Variants in CACNA1A observed in about 807,000 individuals in gnomAD.
CACNA1A encodes calcium voltage-gated channel subunit alpha1 A, also known as voltage-dependent P/Q-type calcium channel subunit alpha-1A.
CACNA1A carries 57 observed loss-of-function variants against 262.4 expected under a neutral mutation model. That is an observed-to-expected ratio of 0.22 (90% CI 0.18 to 0.27). The LOEUF is 0.27. Ranked by LOEUF, CACNA1A falls within the 10% of genes least tolerant of loss-of-function variation. CACNA1A has a pLI of 1.00. For synonymous variants in CACNA1A, 1,431 were observed against 1,419.3 expected, an observed-to-expected ratio of 1.01 and a Z score of -0.18; for missense variants, 2,526 against 3,562.8, an observed-to-expected ratio of 0.71 and a Z score of 7.41.
In CACNA1A at chr19:13,318,714, G is replaced by A. The variant is rs141913825; in HGVS notation, c.1346-1393C>T. Reference sequence around the variant, plus strand: ...CAGATTCAACATTTGCTGATGGAACGGTGTGGATGTAAGAGAGAGGGATGA... The same window carrying A: ...CAGATTCAACATTTGCTGATGGAACAGTGTGGATGTAAGAGAGAGGGATGA... On this transcript the variant is annotated intron_variant, in intron 10 of 46. Coordinates refer to ENST00000360228, the MANE Select transcript of CACNA1A (RefSeq NM_001127222.2). Among the ~76,000 whole-genome samples the A allele has an allele frequency of 2.2e-4, 33 of 152,086 alleles. No individual in the cohort carries two copies. The East Asian group carries it at 5.6e-3, about 26-fold the overall frequency.
rs551474256 is a variant in CACNA1A, at chr19:13,304,158, CTG to C, written c.1987-276_1987-275del. Among the ~76,000 whole-genome samples the C allele has an allele frequency of 2.8e-4, 42 of 152,222 alleles. 1 individual carries two copies. In the South Asian group the frequency reaches 7.3e-3, roughly 26 times the overall value. On this transcript the variant is annotated intron_variant, in intron 15 of 46. Coordinates refer to ENST00000360228, the MANE Select transcript of CACNA1A (RefSeq NM_001127222.2). ...AGGAGTCACAGACCCTCCTGTAACTCTGTCTTACTTGATGTGATTAAGGGGAT... is the reference window on the plus strand; with the variant it reads ...AGGAGTCACAGACCCTCCTGTAACTCTCTTACTTGATGTGATTAAGGGGAT...
chr19:13,221,589 A>C (rs2055234377), intron 38 of CACNA1A, among the ~76,000 whole-genome samples: 1 of 151,886 alleles, frequency 6.6e-6, no homozygotes, highest in Admixed American at 6.6e-5. Context: ...CAGCTGCCAA[A>C]TCACATCACA....
chr19:13,284,464 G>A (rs34901508), intron 21 of CACNA1A: 18,598 of 152,182 alleles, frequency 0.12, 1,658 homozygotes, highest in East Asian at 0.37. Context: ...CATTTTGAGC[G>A]GTCAGGCTTT....
chr19:13,382,968 C>T (rs1478122546), intron 3 of CACNA1A, among the ~76,000 whole-genome samples: 1 of 152,150 alleles, frequency 6.6e-6, no homozygotes, highest in East Asian at 1.9e-4. Flanking sequence ...AACCCCAGAC[C>T]AGCCACAGGA....
At position 13,359,784 on chromosome 19, in the gene CACNA1A, T is replaced by C. The variant is rs1243275369; in HGVS notation, c.800A>G (p.Glu267Gly). The change falls in exon 6 of 47, where the codon GAG (glutamate) becomes GGG (glycine). Residue 267 changes from glutamate to glycine, a missense_variant. Physicochemically the swap from Glu to Gly is moderately conservative, Grantham distance 98. Around this residue, in one of 17 missense-constraint regions of CACNA1A, gnomAD observed 52 missense variants for 124.0 expected, o/e 0.42. Coordinates refer to ENST00000360228, the MANE Select transcript of CACNA1A (RefSeq NM_001127222.2). ...FEEGTDDIQG[E>G]SPAPCGTEEP... The stretch of plus-strand genomic sequence containing the variant: ...TTCTGTCCCACATGGAGCCGGAGAC[T>C]CACCCTGAATGTCATCTACAAAAGG... The C allele has an allele frequency of 1.3e-6, 2 of 1,530,062 alleles. No individual in the cohort carries two copies. The highest frequency in any genetic ancestry group is 2.7e-5 in the African/African-American group (2 of 72,940). 94.8% of individuals were successfully genotyped at this position (1,530,062 alleles called of 1,614,324 possible).
At chr19:13,292,807 C>CT (rs1038747688) in intron 19 of CACNA1A, among the ~76,000 whole-genome samples, 7 of 152,122 alleles carry the variant, frequency 4.6e-5, no homozygotes, top group African/African-American at 7.2e-5. Context: ...ATCTTTGCCA[C>CT]TTTTTTTAAA....
At position 13,404,871 on chromosome 19, in the gene CACNA1A, T is replaced by C. The variant is rs141024101; in HGVS notation, c.540-33092A>G. On this transcript the variant is annotated intron_variant, in intron 3 of 46. Coordinates refer to ENST00000360228, the MANE Select transcript of CACNA1A (RefSeq NM_001127222.2). The stretch of plus-strand genomic sequence containing the variant: ...AGGAGTGAGAGACTGTTAGTAAGAA[T>C]GATGATAAAAATGATATTATTATTA... Among the ~76,000 whole-genome samples, 546 of 152,184 alleles carry C rather than the reference T, an allele frequency of 3.6e-3. 4 individuals carry two copies. Among genetic ancestry groups the C allele is most frequent in the African/African-American group, 0.012 (514 of 41,518 alleles).
At position 13,241,509 on chromosome 19, in the gene CACNA1A, A is replaced by G. The variant is rs1340555615; in HGVS notation, c.4950+3673T>C. The G allele has an allele frequency of 7.6e-7, 1 of 1,320,320 alleles. No individual in the cohort carries two copies. Among genetic ancestry groups the G allele is most frequent in the Non-Finnish European group, 1.0e-6 (1 of 998,496 alleles). 81.8% of individuals were successfully genotyped at this position (1,320,320 alleles called of 1,614,324 possible). A position where few individuals can be genotyped will look rare whatever the true frequency, so the allele number is the denominator to read the frequency against. The stretch of plus-strand genomic sequence containing the variant: ...GTAAGGCATTTAGACTTCAGAAAGA[A>G]GTAAGACCAACCGGATTCTAGATGC... On this transcript the variant is annotated intron_variant, in intron 31 of 46. Transcript: ENST00000360228. The surrounding 1 kb of genome is among the most constrained non-coding windows in gnomAD (Gnocchi z 4.0).
intron 3 of CACNA1A, among the ~76,000 whole-genome samples, chr19:13,430,145 G>A (rs1235066499): frequency 6.7e-6 from 1 of 149,318 alleles, no homozygotes; most frequent in South Asian, 2.1e-4. Flanking sequence ...ACTTAACGCC[G>A]CTCAACTAAA....
chr19:13,442,041 T>TA (rs1199465798), intron 3 of CACNA1A, among the ~76,000 whole-genome samples: 1 of 152,158 alleles, frequency 6.6e-6, no homozygotes, highest in Non-Finnish European at 1.5e-5. Context: ...GAGAACATTT[T>TA]AGCACAATAC....
rs1183101640 is a variant in CACNA1A at position 13,380,636 on chromosome 19, ACT to A, written c.540-8859_540-8858del. Among the ~76,000 whole-genome samples, 434 of 81,192 alleles carry A rather than the reference ACT, an allele frequency of 5.3e-3. 4 individuals carry two copies. Among genetic ancestry groups the A allele is most frequent in the Middle Eastern group, 0.02 (2 of 98 alleles). 53.3% of individuals were successfully genotyped at this position (81,192 alleles called of 152,430 possible). ...ACTCCAGCCTGGGTGACAGAGCGTG[ACT>A]CTGTCTCAAAAAAAAAAAAAAAAAA... On this transcript the variant is annotated intron_variant, in intron 3 of 46. Transcript: ENST00000360228.
chr19:13,402,857 T>TACACACACACAC (rs1282745878), intron 3 of CACNA1A, among the ~76,000 whole-genome samples: 6 of 75,834 alleles, frequency 7.9e-5, no homozygotes, highest in African/African-American at 3.3e-4. Flanking sequence ...CATATATATA[T>TACACACACACAC]ACACACACAC....
At chr19:13,358,179 T>C (rs1048895529) in intron 6 of CACNA1A, among the ~76,000 whole-genome samples, 1 of 152,198 alleles carries the variant, frequency 6.6e-6, no homozygotes, top group Non-Finnish European at 1.5e-5. Flanking sequence ...ATGTTCCATG[T>C]CAGTGGACAG....
chr19:13,492,223 C>T (rs997092515), intron 1 of CACNA1A, among the ~76,000 whole-genome samples: 1 of 152,166 alleles, frequency 6.6e-6, no homozygotes, highest in African/African-American at 2.4e-5. Flanking sequence ...CAGAAACTTG[C>T]TCAATCCCTC....
chr19:13,438,742 C>A (rs1319518301), intron 3 of CACNA1A, among the ~76,000 whole-genome samples: 2 of 152,136 alleles, frequency 1.3e-5, no homozygotes, highest in African/African-American at 4.8e-5. Flanking sequence ...GCCACTGGGT[C>A]TTGGGGATTG....
At chr19:13,215,621 GTTTT>G (rs34070721) in intron 38 of CACNA1A, among the ~76,000 whole-genome samples, 1 of 135,048 alleles carries the variant, frequency 7.4e-6, no homozygotes, top group Admixed American at 7.6e-5. Flanking sequence ...CGTCTGGCCT[GTTTT>G]TTTTTTTTTT....
intron 19 of CACNA1A, among the ~76,000 whole-genome samples, chr19:13,287,306 G>A (rs1379239939): frequency 3.3e-5 from 5 of 151,898 alleles, no homozygotes; most frequent in Admixed American, 6.6e-5. Flanking sequence ...AGCCGTGATC[G>A]CCCCACTGCA....
At chr19:13,486,648 G>A (rs921812959) in intron 1 of CACNA1A, among the ~76,000 whole-genome samples, 3 of 151,230 alleles carry the variant, frequency 2.0e-5, no homozygotes, top group African/African-American at 7.3e-5. Context: ...AGGATAACAG[G>A]AGAAGGGGAA....
chr19:13,276,175 C>T (rs549301777), intron 23 of CACNA1A, among the ~76,000 whole-genome samples: 31 of 152,300 alleles, frequency 2.0e-4, no homozygotes, highest in African/African-American at 5.5e-4. Flanking sequence ...TCTGGCTTGC[C>T]GGCTCTTAGA....
Sources: gnomAD v4.1 joint callset for allele counts (sites outside exome capture counted in the v4.1 genomes callset) on GRCh38, gnomAD v4.1.1 for gene constraint, gnomAD v4.1.1 regional missense constraint, Gnocchi (gnomAD v3.1) non-coding constraint, MANE v1.5 for transcripts, NCBI Gene and HGNC (gene_info 2026-07-23, HGNC 2026-07-21) for gene names.